Variants in GALNT13 observed in about 807,000 individuals in gnomAD.
GALNT13 encodes polypeptide N-acetylgalactosaminyltransferase 13, also known as UDP-GalNAc:polypeptide N-acetylgalactosaminyltransferase 13.
In GALNT13, 28 loss-of-function variants were observed where a neutral mutation model predicts 64.2. The observed-to-expected ratio is 0.44, with a 90% CI of 0.32 to 0.60. The LOEUF (loss-of-function observed/expected upper bound fraction) is 0.60. GALNT13 is among the 20% of genes least tolerant of loss of function. The pLI is 0.05. For missense variants in GALNT13, 577 were observed against 669.8 expected, an observed-to-expected ratio of 0.86 and a Z score of 1.53; for synonymous variants, 214 against 224.6, an observed-to-expected ratio of 0.95 and a Z score of 0.42.
the GALNT13 span, among the ~76,000 whole-genome samples, chr2:153,290,488 A>T: frequency 4.7e-4 from 72 of 152,344 alleles, no homozygotes; most frequent in African/African-American, 1.6e-3. Context: ...AAGCAGTTGT[A>T]TCTGAGTAAG....
chr2:153,499,736 A>G, the GALNT13 span, among the ~76,000 whole-genome samples: 1 of 152,180 alleles, frequency 6.6e-6, no homozygotes, highest in Non-Finnish European at 1.5e-5. Flanking sequence ...CTGGGTAGTG[A>G]CAGGGCCCAG....
At chr2:153,766,961 AG>A in the GALNT13 span, among the ~76,000 whole-genome samples, 1 of 151,886 alleles carries the variant, frequency 6.6e-6, no homozygotes, top group Non-Finnish European at 1.5e-5. Flanking sequence ...TTCTAAATGT[AG>A]TTTAGATTTA....
At chr2:153,313,022 A>G in the GALNT13 span, among the ~76,000 whole-genome samples, 1 of 152,210 alleles carries the variant, frequency 6.6e-6, no homozygotes. Flanking sequence ...AATGGCTGTT[A>G]TTAAAATGTC....
chr2:154,447,643 G>A (rs1191362236), intron 12 of GALNT13, among the ~76,000 whole-genome samples: 2 of 151,894 alleles, frequency 1.3e-5, no homozygotes, highest in Non-Finnish European at 2.9e-5. Flanking sequence ...TGTTAGTGGA[G>A]GAAACAATTG....
the GALNT13 span, chr2:153,761,434 T>G: frequency 6.6e-6 from 1 of 152,402 alleles, no homozygotes; most frequent in Non-Finnish European, 1.5e-5. Flanking sequence ...GGAGTGAGTG[T>G]TACTCACTGG....
the GALNT13 span, among the ~76,000 whole-genome samples, chr2:153,190,211 T>A: frequency 6.6e-6 from 1 of 152,190 alleles, no homozygotes; most frequent in Non-Finnish European, 1.5e-5. Flanking sequence ...TTTCTTCTAA[T>A]AGTTTTATAG....
At chr2:153,563,301 A>G in the GALNT13 span, among the ~76,000 whole-genome samples, 129 of 152,108 alleles carry the variant, frequency 8.5e-4, 1 homozygote, top group African/African-American at 3.0e-3. Flanking sequence ...TTCTTTGGTT[A>G]GCACTTTTAA....
the GALNT13 span, among the ~76,000 whole-genome samples, chr2:153,407,043 A>T: frequency 1.3e-5 from 2 of 152,110 alleles, no homozygotes; most frequent in Non-Finnish European, 2.9e-5. Flanking sequence ...CAATAAATAT[A>T]TAAAGATTAT....
At chr2:153,924,395 C>T (rs1034827466) in intron 2 of GALNT13, among the ~76,000 whole-genome samples, 2 of 151,842 alleles carry the variant, frequency 1.3e-5, no homozygotes, top group African/African-American at 4.8e-5. Flanking sequence ...TGATCTCATT[C>T]CTTTTTATGG....
chr2:153,158,877 T>C, the GALNT13 span: 2 of 152,254 alleles, frequency 1.3e-5, no homozygotes, highest in African/African-American at 4.8e-5. Context: ...TGGTGATCAC[T>C]ATTTTGCATT....
intron 8 of GALNT13, among the ~76,000 whole-genome samples, chr2:154,288,665 G>A (rs1389592314): frequency 6.6e-6 from 1 of 152,172 alleles, no homozygotes; most frequent in Non-Finnish European, 1.5e-5. Context: ...AGATCCAGTG[G>A]GGCAGTGAAA....
intron 9 of GALNT13, among the ~76,000 whole-genome samples, chr2:154,344,290 CAA>C (rs1353854070): frequency 6.6e-5 from 7 of 106,600 alleles, no homozygotes; most frequent in Admixed American, 4.6e-4. Context: ...ACTCGCCTGA[CAA>C]AGACTTCCAG....
intron 3 of GALNT13, among the ~76,000 whole-genome samples, chr2:154,129,030 A>G (rs1312246496): frequency 6.6e-6 from 1 of 152,064 alleles, no homozygotes; most frequent in Non-Finnish European, 1.5e-5. Context: ...TATTAGCCTT[A>G]TTTTATTGTT....
chr2:153,613,827 G>A, the GALNT13 span, among the ~76,000 whole-genome samples: 12 of 152,040 alleles, frequency 7.9e-5, no homozygotes, highest in African/African-American at 2.9e-4. Context: ...TGGCTGCATA[G>A]TATTCCATGG....
At chr2:153,330,955 A>G in the GALNT13 span, among the ~76,000 whole-genome samples, 1 of 152,102 alleles carries the variant, frequency 6.6e-6, no homozygotes, top group South Asian at 2.1e-4. Context: ...TGTTCCTTCA[A>G]TGACTAGTTT....
chr2:153,098,493 A>G, the GALNT13 span, among the ~76,000 whole-genome samples: 2 of 152,294 alleles, frequency 1.3e-5, no homozygotes, highest in East Asian at 1.9e-4. Context: ...ATGCATTCCT[A>G]TACATAATAT....
the GALNT13 span, among the ~76,000 whole-genome samples, chr2:153,695,608 A>T: frequency 8.5e-5 from 13 of 152,342 alleles, no homozygotes; most frequent in African/African-American, 3.1e-4. Flanking sequence ...TTATGGCTTT[A>T]TGACCAATTT....
intron 8 of GALNT13, among the ~76,000 whole-genome samples, chr2:154,276,119 A>G (rs1691637900): frequency 6.6e-6 from 1 of 152,174 alleles, no homozygotes; most frequent in Admixed American, 6.5e-5. Context: ...ACAGGCTCAT[A>G]GGCAGAAAGG....
At chr2:154,393,553 C>A (rs1009453216) in intron 9 of GALNT13, among the ~76,000 whole-genome samples, 2 of 152,158 alleles carry the variant, frequency 1.3e-5, no homozygotes, top group African/African-American at 4.8e-5. Context: ...AAGCCATTCT[C>A]ACCAAAATGT....
Sources: gnomAD v4.1 joint callset for allele counts (sites outside exome capture counted in the v4.1 genomes callset) on GRCh38, gnomAD v4.1.1 for gene constraint, MANE v1.5 for transcripts, NCBI Gene and HGNC (gene_info 2026-07-23, HGNC 2026-07-21) for gene names.